SOX5: variants seen among roughly 807,000 people sequenced by gnomAD.
The protein encoded by SOX5 is SRY-box transcription factor 5, also known as transcription factor SOX-5.
A neutral mutation model predicts 92.0 loss-of-function variants in SOX5; 9 were observed. The ratio of observed to expected loss-of-function variants is 0.10; its 90% CI spans 0.06 to 0.17. SOX5 has a LOEUF of 0.17. Ranked by LOEUF, SOX5 falls within the 10% of genes least tolerant of loss-of-function variation. The pLI is 1.00. For missense variants in SOX5, 642 were observed against 944.5 expected (o/e 0.68, Z 4.20); for synonymous variants, 344 against 336.3 (o/e 1.02, Z -0.25).
intron 4 of SOX5, among the ~76,000 whole-genome samples, chr12:24,202,471 A>G (rs1270144108): frequency 6.6e-6 from 1 of 152,190 alleles, no homozygotes; most frequent in African/African-American, 2.4e-5. Flanking sequence ...ATCAAAACCA[A>G]AAGATTAACA....
chr12:24,302,873 A>C (rs535737312), intron 2 of SOX5, among the ~76,000 whole-genome samples: 26 of 152,298 alleles, frequency 1.7e-4, no homozygotes, highest in Non-Finnish European at 3.4e-4. Context: ...AACAGTGCTC[A>C]GAGTGGGGAA....
chr12:24,075,850 A>T (rs533927256), intron 4 of SOX5, among the ~76,000 whole-genome samples: 8 of 152,218 alleles, frequency 5.3e-5, no homozygotes, highest in Admixed American at 1.3e-4. Context: ...ACATAATGTA[A>T]TGCAAAGGAA....
chr12:24,303,945 A>G (rs950132224), intron 2 of SOX5, among the ~76,000 whole-genome samples: 1 of 152,216 alleles, frequency 6.6e-6, no homozygotes, highest in African/African-American at 2.4e-5. Flanking sequence ...GTTCAATTAT[A>G]TGTTCCACTA....
chr12:24,463,573 G>T (rs1444291566), intron 1 of SOX5, among the ~76,000 whole-genome samples: 3 of 152,176 alleles, frequency 2.0e-5, no homozygotes, highest in African/African-American at 7.2e-5. Flanking sequence ...AACCCACAAA[G>T]CTCCCGTGAT....
intron 1 of SOX5, among the ~76,000 whole-genome samples, chr12:24,386,530 T>A (rs1213497229): frequency 1.3e-5 from 2 of 152,172 alleles, no homozygotes; most frequent in African/African-American, 2.4e-5. Context: ...TCTCTCTATA[T>A]GAAATAAACA....
At chr12:24,101,096 T>C (rs1946041583) in intron 4 of SOX5, among the ~76,000 whole-genome samples, 1 of 152,152 alleles carries the variant, frequency 6.6e-6, no homozygotes, top group African/African-American at 2.4e-5. Flanking sequence ...TCAATGAGCT[T>C]CAGTCACTCA....
At chr12:24,211,549 A>T (rs1958613443) in intron 4 of SOX5, among the ~76,000 whole-genome samples, 1 of 152,254 alleles carries the variant, frequency 6.6e-6, no homozygotes. Context: ...AAGTGTTAGT[A>T]CCAATAGCAT....
chr12:23,634,266 C>A (rs2078933380), intron 8 of SOX5, among the ~76,000 whole-genome samples: 1 of 151,902 alleles, frequency 6.6e-6, no homozygotes. Flanking sequence ...AAAAGAAAGA[C>A]AATAAATAAG....
chr12:23,642,767 A>G (rs2080242273), intron 7 of SOX5, among the ~76,000 whole-genome samples: 1 of 152,228 alleles, frequency 6.6e-6, no homozygotes, highest in African/African-American at 2.4e-5. Context: ...GTAATCAACT[A>G]GTGAGCAGAT....
In SOX5 at chr12:23,979,783, T is replaced by A. The variant is rs117377345; in HGVS notation, c.-1-83759A>T. ...CTCAGACTGGAGTGCAGTAGTGTGA[T>A]CATAGCAAACTGCAGCCTCAAACCT... On this transcript the variant is annotated intron_variant, in intron 4 of 4. Coordinates refer to the SOX5 transcript ENST00000446891. 2.0e-3 allele frequency among the ~76,000 whole-genome samples: 274 copies of A among 134,274 alleles called. 4 individuals are homozygous for A. The East Asian group carries it at 0.027, about 13-fold the overall frequency. 88.1% of individuals were successfully genotyped at this position (134,274 alleles called of 152,430 possible). A position where few individuals can be genotyped will look rare whatever the true frequency, so the allele number is the denominator to read the frequency against.
chr12:24,256,622 G>A (rs1303354763), intron 3 of SOX5, among the ~76,000 whole-genome samples: 1 of 150,080 alleles, frequency 6.7e-6, no homozygotes, highest in Non-Finnish European at 1.5e-5. Context: ...GAAAATGAGG[G>A]AGGGGAACAG....
At chr12:23,924,907 T>C (rs1360521134) in intron 1 of SOX5, among the ~76,000 whole-genome samples, 1 of 152,028 alleles carries the variant, frequency 6.6e-6, no homozygotes, top group Non-Finnish European at 1.5e-5. Flanking sequence ...ATAAAATAAG[T>C]TAATAGAAAA....
intron 3 of SOX5, among the ~76,000 whole-genome samples, chr12:23,798,727 A>G (rs1006589951): frequency 2.6e-5 from 4 of 151,994 alleles, no homozygotes; most frequent in Non-Finnish European, 5.9e-5. Flanking sequence ...CTCAGGACAT[A>G]ACAAAACATA....
chr12:24,098,255 T>C (rs1316500252), intron 4 of SOX5, among the ~76,000 whole-genome samples: 1 of 152,278 alleles, frequency 6.6e-6, no homozygotes, highest in African/African-American at 2.4e-5. Context: ...CTTAGGTCTA[T>C]AAACAACCTT....
At chr12:24,483,151 T>C (rs899865331) in intron 1 of SOX5, among the ~76,000 whole-genome samples, 1 of 152,200 alleles carries the variant, frequency 6.6e-6, no homozygotes, top group South Asian at 2.1e-4. Flanking sequence ...ACATTTTAGA[T>C]AGATTCTTCA....
In SOX5 at chr12:23,740,978, G is replaced by T. The variant is rs188932107; in HGVS notation, c.630C>A (p.Thr210=). The T allele has an allele frequency of 3.2e-4, 513 of 1,612,122 alleles. 6 individuals carry two copies. The East Asian group carries it at 0.01, about 33-fold the overall frequency. The change falls in exon 5 of 15, where the codon ACC becomes ACA. Residue 210 remains threonine, a synonymous_variant. Coordinates refer to ENST00000451604, the MANE Select transcript of SOX5 (RefSeq NM_006940.6). ...RQLMGMINQL[T]SLREQLLAAH... Reference sequence around the variant, plus strand: ...CAGCCAACAGCTGCTCTCGGAGGCTGGTCAGCTGGTTGATCATACCCATGA... The same window carrying T: ...CAGCCAACAGCTGCTCTCGGAGGCTTGTCAGCTGGTTGATCATACCCATGA...
chr12:23,626,264 T>C (rs1381025199), intron 8 of SOX5, among the ~76,000 whole-genome samples: 2 of 152,200 alleles, frequency 1.3e-5, no homozygotes. Context: ...AAAACAGCAT[T>C]CTGATTTCTG....
chr12:24,291,674 A>C (rs1946637977), intron 2 of SOX5, among the ~76,000 whole-genome samples: 1 of 152,258 alleles, frequency 6.6e-6, no homozygotes, highest in South Asian at 2.1e-4. Flanking sequence ...TAGTATGTTC[A>C]TATAGGTTCT....
chr12:23,872,171 T>C (rs2096881587), intron 2 of SOX5, among the ~76,000 whole-genome samples: 1 of 128,760 alleles, frequency 7.8e-6, no homozygotes, highest in Admixed American at 7.7e-5. Flanking sequence ...CTAATTTTTT[T>C]TTTTTTTTTT....
Sources: gnomAD v4.1 joint callset for allele counts (sites outside exome capture counted in the v4.1 genomes callset) on GRCh38, gnomAD v4.1.1 for gene constraint, MANE v1.5 for transcripts, NCBI Gene and HGNC (gene_info 2026-07-23, HGNC 2026-07-21) for gene names.